KLHL15: variants seen among roughly 807,000 people sequenced by gnomAD.
The protein encoded by KLHL15 is kelch like family member 15, also known as kelch-like protein 15.
KLHL15 carries 1 observed loss-of-function variant against 29.3 expected under a neutral mutation model. The ratio of observed to expected loss-of-function variants is 0.03; its 90% CI spans 0.01 to 0.16. The LOEUF is 0.16. Among genes scored for constraint, KLHL15 ranks in the 10% least tolerant of loss-of-function variants. The pLI is 1.00. For missense variants in KLHL15, 215 were observed against 478.5 expected (o/e 0.45, Z 5.14); for synonymous variants, 212 against 184.5 (o/e 1.15, Z -1.21).
At chrX:24,000,343 C>T (rs746713501) in intron 3 of KLHL15, among the ~76,000 whole-genome samples, 3 of 110,445 alleles carry the variant, frequency 2.7e-5, no homozygotes, top group South Asian at 3.8e-4. Context: ...CGTGGTGGTG[C>T]GTGCCTGTAA....
chrX:23,989,342 A>T (rs1929037964), intron 3 of KLHL15, among the ~76,000 whole-genome samples: 1 of 109,760 alleles, frequency 9.1e-6, no homozygotes, highest in African/African-American at 3.3e-5. Flanking sequence ...GCGCCCAGCT[A>T]ATTTTTTTAT....
intron 3 of KLHL15, among the ~76,000 whole-genome samples, chrX:24,000,485 A>ATTAAATAC (rs2147101112): frequency 9.0e-6 from 1 of 110,744 alleles, no homozygotes; most frequent in South Asian, 3.8e-4. Flanking sequence ...TAAATAAATA[A>ATTAAATAC]TAAAAAAAGT....
chrX:24,026,469 G>A (rs918573955), intron 1 of KLHL15, among the ~76,000 whole-genome samples: 2 of 110,690 alleles, frequency 1.8e-5, no homozygotes, highest in Non-Finnish European at 3.8e-5. Flanking sequence ...TGTAGATGAC[G>A]GAAATACACA....
At chrX:24,023,912 T>G (rs892304205) in intron 2 of KLHL15, among the ~76,000 whole-genome samples, 1 of 112,588 alleles carries the variant, frequency 8.9e-6, no homozygotes, top group Non-Finnish European at 1.9e-5. Flanking sequence ...GTAGAAGTAT[T>G]CAAGCATCCT....
intron 1 of KLHL15, among the ~76,000 whole-genome samples, chrX:24,025,703 G>C: frequency 9.4e-6 from 1 of 105,893 alleles, no homozygotes; most frequent in African/African-American, 3.4e-5. Context: ...ACGGGAGCGG[G>C]AGCGGGTGTG....
In KLHL15 at chrX:23,987,927, G is replaced by A. The variant is rs749182065; in HGVS notation, c.1809C>T (p.Cys603=). 5 of 1,188,534 alleles carry A rather than the reference G, an allele frequency of 4.2e-6. No homozygotes were observed. The highest frequency in any genetic ancestry group is 2.3e-5 in the Admixed American group (1 of 42,762). Residue 603 remains cysteine (C), a synonymous_variant, in exon 4 of 4, where the codon TGC becomes TGT. Coordinates refer to ENST00000328046, the MANE Select transcript of KLHL15 (RefSeq NM_030624.3). The part of the protein sequence containing the change: ...PDYVLDEVRR[C]N ...TTTAGGGAGGAGGATGTCATTAGTT[G>A]CAACGCCTGACCTCATCCAGTACAT...
At position 24,010,886 on chromosome X, in the gene KLHL15, AG is replaced by A. The variant is rs201461686; in HGVS notation, c.-7-4187del. On this transcript the variant is annotated intron_variant, in intron 2 of 3. Transcript: ENST00000328046. ...ATGCCTTCCCATTTCATTTACTAAA[AG>A]GAAGAGCCCTTGTGTGTGCCAGGTA... is the stretch of plus-strand genomic sequence containing the variant. Among the ~76,000 whole-genome samples, 415 of 111,325 alleles carry A rather than the reference AG, an allele frequency of 3.7e-3. 4 individuals carry two copies. The highest frequency in any genetic ancestry group is 0.013 in the African/African-American group (398 of 30,666).
At chrX:24,025,950 C>T (rs988694198) in intron 1 of KLHL15, among the ~76,000 whole-genome samples, 1 of 111,181 alleles carries the variant, frequency 9.0e-6, no homozygotes, top group Non-Finnish European at 1.9e-5. Context: ...GCGATGGGCC[C>T]TGAGCCACTG....
chrX:24,001,925 A>G (rs1183305919), intron 3 of KLHL15, among the ~76,000 whole-genome samples: 15 of 107,810 alleles, frequency 1.4e-4, no homozygotes, highest in Non-Finnish European at 2.5e-4. Context: ...CAAGGTCAGG[A>G]GATCGAGACC....
At chrX:24,004,456 A>G (rs1929402655) in intron 3 of KLHL15, among the ~76,000 whole-genome samples, 1 of 112,574 alleles carries the variant, frequency 8.9e-6, no homozygotes, top group Non-Finnish European at 1.9e-5. Flanking sequence ...AATGATTTAC[A>G]TAATTGATGT....
intron 2 of KLHL15, among the ~76,000 whole-genome samples, chrX:24,010,757 C>T (rs1030184467): frequency 9.0e-6 from 1 of 111,287 alleles, no homozygotes; most frequent in African/African-American, 3.3e-5. Context: ...TATATGGACC[C>T]CGAGCCCTCC....
chrX:24,011,802 CAAAAAAAG>C (rs1376963845), intron 2 of KLHL15, among the ~76,000 whole-genome samples: 2 of 110,519 alleles, frequency 1.8e-5, no homozygotes, highest in African/African-American at 6.6e-5. Flanking sequence ...GACCCTGTCT[CAAAAAAAG>C]AAAAAAAGAA....
intron 1 of KLHL15, among the ~76,000 whole-genome samples, chrX:24,026,058 G>A (rs1929927994): frequency 8.9e-6 from 1 of 112,135 alleles, no homozygotes; most frequent in Non-Finnish European, 1.9e-5. Flanking sequence ...GGGACAACGT[G>A]GAGGGAGCTT....
chrX:24,000,732 T>C, intron 3 of KLHL15, among the ~76,000 whole-genome samples: 1 of 111,994 alleles, frequency 8.9e-6, no homozygotes, highest in Non-Finnish European at 1.9e-5. Context: ...TTTGCATTGG[T>C]CAAGTGCTGG....
Position 23,987,753 on chromosome X carries a change from G to T in KLHL15, c.*168C>A. On this transcript the variant is annotated 3_prime_UTR_variant, in exon 4 of 4. Transcript: ENST00000328046. ...AATTAACTTATTGCATGAGTTTGAG[G>T]CCACTGAAAAGAAAAAAAGGATGCT... 1 of 432,541 alleles carries T rather than the reference G, an allele frequency of 2.3e-6. No homozygotes were observed. Among genetic ancestry groups the T allele is most frequent in the Non-Finnish European group, 3.9e-6 (1 of 257,328 alleles). 35.6% of individuals were successfully genotyped at this position (432,541 alleles called of 1,213,427 possible). A position where few individuals can be genotyped will look rare whatever the true frequency, so the allele number is the denominator to read the frequency against.
rs775777707 is a variant in KLHL15 at position 23,987,580 on chromosome X, G to T, written c.*341C>A. 7.9e-5 allele frequency: 12 copies of T among 152,435 alleles called. No individual in the cohort carries two copies. Among genetic ancestry groups the T allele is most frequent in the Non-Finnish European group, 1.5e-4 (12 of 79,891 alleles). 12.6% of individuals were successfully genotyped at this position (152,435 alleles called of 1,213,427 possible). A position where few individuals can be genotyped will look rare whatever the true frequency, so the allele number is the denominator to read the frequency against. On this transcript the variant is annotated 3_prime_UTR_variant, in exon 4 of 4. Coordinates refer to ENST00000328046, the MANE Select transcript of KLHL15 (RefSeq NM_030624.3). Reference sequence around the variant, plus strand: ...GAGACAGAGACTGAAATCACATCCAGTGACACTTATCGGGTCTTCTCTTAG... The same window carrying T: ...GAGACAGAGACTGAAATCACATCCATTGACACTTATCGGGTCTTCTCTTAG...
intron 3 of KLHL15, among the ~76,000 whole-genome samples, chrX:23,991,749 G>C (rs1222034030): frequency 9.0e-6 from 1 of 110,591 alleles, no homozygotes; most frequent in Non-Finnish European, 1.9e-5. Flanking sequence ...TGAGGTAGTA[G>C]AATCACTTGA....
At position 24,009,723 on chromosome X, in the gene KLHL15, C is replaced by T. The variant is rs756915131; in HGVS notation, c.-7-3023G>A. Among the ~76,000 whole-genome samples the T allele has an allele frequency of 1.3e-4, 13 of 99,083 alleles. No homozygotes were observed. In the East Asian group the frequency reaches 4.3e-3, roughly 33 times the overall value. 86.0% of individuals were successfully genotyped at this position (99,083 alleles called of 115,157 possible). A position where few individuals can be genotyped will look rare whatever the true frequency, so the allele number is the denominator to read the frequency against. ...AAAAAAAAAAAGCCGGGCTCAGTGGCTCACGCCCGTAATTCCAACACTTTG... is the reference window on the plus strand; with the variant it reads ...AAAAAAAAAAAGCCGGGCTCAGTGGTTCACGCCCGTAATTCCAACACTTTG... On this transcript the variant is annotated intron_variant, in intron 2 of 3. Coordinates refer to ENST00000328046, the MANE Select transcript of KLHL15 (RefSeq NM_030624.3).
intron 2 of KLHL15, among the ~76,000 whole-genome samples, chrX:24,022,184 A>T (rs1284806828): frequency 9.2e-6 from 1 of 108,438 alleles, no homozygotes; most frequent in Non-Finnish European, 1.9e-5. Context: ...AAAATACAAA[A>T]ATTAGTCAAG....
Sources: gnomAD v4.1 joint callset for allele counts (sites outside exome capture counted in the v4.1 genomes callset) on GRCh38, gnomAD v4.1.1 for gene constraint, MANE v1.5 for transcripts, NCBI Gene and HGNC (gene_info 2026-07-23, HGNC 2026-07-21) for gene names.